ACCSL: variants seen among roughly 807,000 people sequenced by gnomAD.
ACCSL encodes the protein probable inactive 1-aminocyclopropane-1-carboxylate synthase-like protein 2.
A neutral mutation model predicts 61.7 loss-of-function variants in ACCSL; 55 were observed. That is an observed-to-expected ratio of 0.89 (90% CI 0.72 to 1.12). The LOEUF (loss-of-function observed/expected upper bound fraction) is 1.12. Ranked by LOEUF, ACCSL falls within the 50% of genes most tolerant of loss-of-function variation. The pLI, the probability that ACCSL is intolerant of heterozygous loss-of-function variation, is 0.00. For synonymous variants in ACCSL, 258 were observed against 264.3 expected (o/e 0.98, Z 0.23); for missense variants, 632 against 698.0 (o/e 0.91, Z 1.07).
the ACCSL span, among the ~76,000 whole-genome samples, chr11:43,955,646 G>C: frequency 6.6e-6 from 1 of 152,050 alleles, no homozygotes; most frequent in African/African-American, 2.4e-5. Flanking sequence ...AAGGTGAGTC[G>C]GGTGGAGCTA....
chr11:44,039,303 A>G, the ACCSL span, among the ~76,000 whole-genome samples: 1 of 152,186 alleles, frequency 6.6e-6, no homozygotes, highest in South Asian at 2.1e-4. Flanking sequence ...TTTAAAAAGC[A>G]GATTCCTACC....
At chr11:44,033,135 C>A in the ACCSL span, among the ~76,000 whole-genome samples, 1 of 152,188 alleles carries the variant, frequency 6.6e-6, no homozygotes, top group Non-Finnish European at 1.5e-5. Context: ...CAGGATGGAA[C>A]TTGGAAGGAA....
the ACCSL span, among the ~76,000 whole-genome samples, chr11:44,023,731 GA>G: frequency 6.6e-6 from 1 of 150,830 alleles, no homozygotes; most frequent in Non-Finnish European, 1.5e-5. Flanking sequence ...TCTGAAGGTG[GA>G]AAGTTAGGTT....
At chr11:43,973,530 T>C in the ACCSL span, among the ~76,000 whole-genome samples, 1 of 152,162 alleles carries the variant, frequency 6.6e-6, no homozygotes, top group Non-Finnish European at 1.5e-5. Flanking sequence ...TCAAATACCA[T>C]CCCCATCTTC....
the ACCSL span, among the ~76,000 whole-genome samples, chr11:43,996,465 G>T: frequency 2.0e-5 from 3 of 152,188 alleles, no homozygotes; most frequent in Admixed American, 2.0e-4. Flanking sequence ...ATGGAGGAAA[G>T]TGGACAGACA....
At chr11:43,967,854 T>G in the ACCSL span, among the ~76,000 whole-genome samples, 10 of 152,256 alleles carry the variant, frequency 6.6e-5, no homozygotes, top group Admixed American at 6.5e-4. Context: ...TGAGATCTGC[T>G]GCCACTGGGT....
the ACCSL span, among the ~76,000 whole-genome samples, chr11:43,956,247 A>G: frequency 6.6e-6 from 1 of 152,314 alleles, no homozygotes; most frequent in South Asian, 2.1e-4. Context: ...AGTGATTTGC[A>G]CAGGTGTGGG....
the ACCSL span, among the ~76,000 whole-genome samples, chr11:43,982,529 T>G: frequency 6.6e-6 from 1 of 152,082 alleles, no homozygotes; most frequent in African/African-American, 2.4e-5. Context: ...TTTCTAACCT[T>G]TTCTCACACA....
the ACCSL span, among the ~76,000 whole-genome samples, chr11:43,982,212 C>A: frequency 6.7e-6 from 1 of 149,430 alleles, no homozygotes; most frequent in Non-Finnish European, 1.5e-5. Flanking sequence ...CTGCCTCTCC[C>A]ACCCCAAGGC....
At chr11:43,955,557 A>C in the ACCSL span, among the ~76,000 whole-genome samples, 8 of 152,146 alleles carry the variant, frequency 5.3e-5, no homozygotes, top group African/African-American at 9.7e-5. Context: ...GGGTTTTCTA[A>C]GGATAGTTGG....
At position 44,051,337 on chromosome 11, in the gene ACCSL, T is replaced by G. The variant is rs1952637410; in HGVS notation, c.638T>G (p.Leu213Arg). 6.2e-7 allele frequency: 1 copy of G among 1,614,058 alleles called. No homozygotes were observed. The highest frequency in any genetic ancestry group is 1.3e-5 in the African/African-American group (1 of 74,910). The change falls in exon 4 of 14, where the codon CTG (leucine) becomes CGG (arginine). Residue 213 changes from leucine (L) to arginine (R), a missense_variant and splice_region_variant. Physicochemically the swap from Leu to Arg is moderately radical, Grantham distance 102 (BLOSUM62 -2). Coordinates refer to ENST00000378832, the MANE Select transcript of ACCSL (RefSeq NM_001031854.2). The part of the protein sequence containing the change: ...QYPDWRGQPF[L>R]REEVARFLTY... ...GGTCTCTCTGGGTCTGTTTACAGCC[T>G]GCGGGAAGAAGTGGCCCGGTTCCTG...
chr11:44,033,640 A>G, the ACCSL span, among the ~76,000 whole-genome samples: 6 of 152,286 alleles, frequency 3.9e-5, no homozygotes, highest in East Asian at 9.7e-4. Context: ...GATAGTGTCA[A>G]TGGAAAATGA....
the ACCSL span, among the ~76,000 whole-genome samples, chr11:43,940,333 T>C: frequency 6.6e-6 from 1 of 151,710 alleles, no homozygotes; most frequent in South Asian, 2.1e-4. Context: ...GATGCCTTAC[T>C]GTTGCCCTTA....
chr11:44,033,434 A>C, the ACCSL span, among the ~76,000 whole-genome samples: 1 of 152,182 alleles, frequency 6.6e-6, no homozygotes, highest in Non-Finnish European at 1.5e-5. Context: ...GAAAATGAGC[A>C]GATGAATTCA....
Position 44,055,241 on chromosome 11 carries a change from G to C in ACCSL, c.1089G>C (p.Leu363=), listed in dbSNP as rs144678340. The change falls in exon 9 of 14, where the codon CTG becomes CTC. Residue 363 remains leucine (L), a synonymous_variant. Coordinates refer to ENST00000378832, the MANE Select transcript of ACCSL (RefSeq NM_001031854.2). The part of the protein sequence containing the change: ...LHVIIDEIYM[L]SVFDESITFH... The stretch of plus-strand genomic sequence containing the variant: ...TGATCATAGATGAGATTTACATGCT[G>C]TCTGTGTTTGATGAATCCATCACAT... The C allele has an allele frequency of 2.5e-4, 407 of 1,612,940 alleles. 2 individuals carry two copies. The East Asian group carries it at 6.9e-3, about 27-fold the overall frequency.
At chr11:43,990,027 T>C in the ACCSL span, among the ~76,000 whole-genome samples, 291 of 152,286 alleles carry the variant, frequency 1.9e-3, 1 homozygote, top group African/African-American at 6.8e-3. Context: ...CCATGATTCC[T>C]CCCTCTCCCT....
At chr11:44,004,453 C>T in the ACCSL span, among the ~76,000 whole-genome samples, 10 of 152,064 alleles carry the variant, frequency 6.6e-5, no homozygotes, top group Admixed American at 4.6e-4. Context: ...GCTCCCTACC[C>T]GCACCCAGGG....
chr11:43,926,363 G>GC, the ACCSL span: 1 of 335,906 alleles, frequency 3.0e-6, no homozygotes, highest in South Asian at 2.4e-5. Flanking sequence ...ACGTTTCCTA[G>GC]CCTGGCAAGG....
the ACCSL span, among the ~76,000 whole-genome samples, chr11:44,022,064 T>A: frequency 1.1e-5 from 1 of 91,858 alleles, no homozygotes; most frequent in East Asian, 4.0e-4. Flanking sequence ...GCCTTCAGAT[T>A]TTTTTTTTTG....
Sources: allele counts gnomAD v4.1 joint callset (sites outside exome capture counted in the v4.1 genomes callset), GRCh38; gene constraint gnomAD v4.1.1; transcripts MANE v1.5; gene names NCBI Gene and HGNC (gene_info 2026-07-23, HGNC 2026-07-21).